The following RAB3C variants were observed in gnomAD, a reference collection of about 807,000 sequenced individuals.
RAB3C encodes the protein ras-related protein Rab-3C.
In RAB3C, 17 loss-of-function variants were observed where a neutral mutation model predicts 26.4. The ratio of observed to expected loss-of-function variants is 0.64; its 90% CI spans 0.44 to 0.97. RAB3C has a LOEUF of 0.97. Ranked by LOEUF, RAB3C falls within the 50% of genes least tolerant of loss-of-function variation. The pLI, the probability that RAB3C is intolerant of heterozygous loss-of-function variation, is 0.00. For missense variants in RAB3C, 242 were observed against 281.9 expected (o/e 0.86, Z 1.01); for synonymous variants, 91 against 95.9 (o/e 0.95, Z 0.30).
intron 3 of RAB3C, among the ~76,000 whole-genome samples, chr5:58,757,870 T>A (rs1741707711): frequency 6.6e-6 from 1 of 152,238 alleles, no homozygotes; most frequent in South Asian, 2.1e-4. Context: ...ACATCTGCCA[T>A]CAGCTCTCAG....
At chr5:58,752,293 T>G (rs1026902586) in intron 3 of RAB3C, among the ~76,000 whole-genome samples, 1 of 152,104 alleles carries the variant, frequency 6.6e-6, no homozygotes, top group Non-Finnish European at 1.5e-5. Flanking sequence ...ATTCAGTGCT[T>G]GGAAAAGACC....
chr5:58,836,425 T>C (rs1743749965), intron 4 of RAB3C, among the ~76,000 whole-genome samples: 1 of 152,172 alleles, frequency 6.6e-6, no homozygotes, highest in Non-Finnish European at 1.5e-5. Flanking sequence ...AACTATACAA[T>C]GTATTATTGT....
At chr5:58,619,492 T>G (rs1349232654) in intron 2 of RAB3C, among the ~76,000 whole-genome samples, 1 of 152,186 alleles carries the variant, frequency 6.6e-6, no homozygotes, top group Non-Finnish European at 1.5e-5. Flanking sequence ...CTTTGGTGAA[T>G]GGAAAATTAA....
At chr5:58,757,943 T>C (rs1203742624) in intron 3 of RAB3C, among the ~76,000 whole-genome samples, 2 of 152,052 alleles carry the variant, frequency 1.3e-5, no homozygotes, top group Non-Finnish European at 2.9e-5. Context: ...TGTTTTGTTT[T>C]GTTTTGTTTT....
intron 3 of RAB3C, among the ~76,000 whole-genome samples, chr5:58,758,178 T>C (rs1349754408): frequency 6.6e-5 from 10 of 152,146 alleles, no homozygotes; most frequent in Non-Finnish European, 1.5e-4. Flanking sequence ...TCTCCTGACC[T>C]TGTGATCCGC....
intron 2 of RAB3C, chr5:58,647,579 G>A (rs1264979786): frequency 6.6e-6 from 1 of 152,110 alleles, no homozygotes; most frequent in African/African-American, 2.4e-5. Flanking sequence ...AGATACTTTA[G>A]CTATTTTTTA....
At chr5:58,746,283 A>G (rs1368206437) in intron 3 of RAB3C, among the ~76,000 whole-genome samples, 1 of 152,180 alleles carries the variant, frequency 6.6e-6, no homozygotes, top group Non-Finnish European at 1.5e-5. Context: ...GAGGGAGCCA[A>G]CATTGTCCTG....
At chr5:58,732,070 T>G (rs1013074997) in intron 3 of RAB3C, among the ~76,000 whole-genome samples, 1 of 148,316 alleles carries the variant, frequency 6.7e-6, no homozygotes, top group Admixed American at 6.9e-5. Flanking sequence ...AGAATTTTAT[T>G]TATTTATTTA....
At position 58,858,968 on chromosome 5, in the gene RAB3C, T is replaced by C. The variant is rs1744325276; in HGVS notation, c.*7617T>C. 1 of 152,108 alleles carries C rather than the reference T, an allele frequency of 6.6e-6. No homozygotes were observed. Among genetic ancestry groups the C allele is most frequent in the Admixed American group, 6.6e-5 (1 of 15,266 alleles). The allele number at this position is 152,108 out of a possible 1,614,324, so 9.4% of individuals were successfully genotyped here. ...CACCTGGCAGATGTGTACCCAGAGA[T>C]TTTTCTGTAGCTCCATGTTTCCCAT... On this transcript the variant is annotated 3_prime_UTR_variant, in exon 5 of 5. Coordinates refer to ENST00000282878, the MANE Select transcript of RAB3C (RefSeq NM_138453.4).
At chr5:58,824,584 G>C (rs1743431836) in intron 3 of RAB3C, among the ~76,000 whole-genome samples, 1 of 151,998 alleles carries the variant, frequency 6.6e-6, no homozygotes, top group African/African-American at 2.4e-5. Flanking sequence ...CTGTGATAAG[G>C]GAAAATATTG....
At chr5:58,844,154 T>A (rs1458236975) in intron 4 of RAB3C, among the ~76,000 whole-genome samples, 1 of 152,126 alleles carries the variant, frequency 6.6e-6, no homozygotes, top group Non-Finnish European at 1.5e-5. Context: ...GGATGCAAAG[T>A]TTCTTTCTGG....
chr5:58,714,800 T>C (rs543587169), intron 2 of RAB3C, among the ~76,000 whole-genome samples: 2 of 151,628 alleles, frequency 1.3e-5, no homozygotes, highest in Admixed American at 6.6e-5. Context: ...TTAGACAAAA[T>C]AGAAAATTTT....
intron 3 of RAB3C, among the ~76,000 whole-genome samples, chr5:58,800,972 C>G (rs1321107276): frequency 6.6e-6 from 1 of 152,160 alleles, no homozygotes; most frequent in Non-Finnish European, 1.5e-5. Flanking sequence ...TATGCAGCAG[C>G]ATATACCCTC....
At chr5:58,622,716 C>A (rs1009487151) in intron 2 of RAB3C, among the ~76,000 whole-genome samples, 15 of 152,168 alleles carry the variant, frequency 9.9e-5, no homozygotes, top group African/African-American at 3.6e-4. Context: ...TGTTTCCATG[C>A]ATTTTAAAAT....
intron 2 of RAB3C, among the ~76,000 whole-genome samples, chr5:58,706,738 T>C (rs1252448592): frequency 6.6e-6 from 1 of 152,232 alleles, no homozygotes; most frequent in East Asian, 1.9e-4. Context: ...ATCCTTAATG[T>C]TGTTCATTCT....
At chr5:58,802,525 C>T (rs545069993) in intron 3 of RAB3C, among the ~76,000 whole-genome samples, 32 of 152,188 alleles carry the variant, frequency 2.1e-4, no homozygotes, top group Non-Finnish European at 4.1e-4. Flanking sequence ...TAGACTGGTA[C>T]ATATTAGAAG....
chr5:58,583,470 A>G (rs1225106796), intron 1 of RAB3C, among the ~76,000 whole-genome samples: 2 of 152,130 alleles, frequency 1.3e-5, no homozygotes, highest in Non-Finnish European at 1.5e-5. Context: ...TGTAAAGAGG[A>G]TAAGAGTGTC....
At position 58,851,186 on chromosome 5, in the gene RAB3C, T is replaced by C; in HGVS notation, c.519T>C (p.Ser173=). 6.3e-7 allele frequency: 1 copy of C among 1,598,668 alleles called. No homozygotes were observed. The highest frequency in any genetic ancestry group is 1.1e-5 in the South Asian group (1 of 87,746). ...CAGGGTTTGAGTTTTTTGAAACAAG[T>C]GCCAAGGACAACATTAATGTCAAGC... ...EQLGFEFFET[S]AKDNINVKQT... is the part of the protein sequence containing the mutation. Residue 173 remains serine, a synonymous_variant, in exon 5 of 5, where the codon AGT becomes AGC. Transcript: ENST00000282878.
intron 2 of RAB3C, among the ~76,000 whole-genome samples, chr5:58,719,788 C>T (rs1353601294): frequency 6.6e-6 from 1 of 151,820 alleles, no homozygotes; most frequent in Non-Finnish European, 1.5e-5. Flanking sequence ...AAGATTAGGG[C>T]CCATTTTAAT....
Sources: gnomAD v4.1 joint callset for allele counts (sites outside exome capture counted in the v4.1 genomes callset) on GRCh38, gnomAD v4.1.1 for gene constraint, MANE v1.5 for transcripts, NCBI Gene and HGNC (gene_info 2026-07-23, HGNC 2026-07-21) for gene names.